The following RFTN1 variants were observed in gnomAD, a reference collection of about 807,000 sequenced individuals.
The protein encoded by RFTN1 is raftlin.
In RFTN1, 26 loss-of-function variants were observed where a neutral mutation model predicts 46.5. That is an observed-to-expected ratio of 0.56 (90% CI 0.41 to 0.78). The LOEUF is 0.78. Ranked by LOEUF, RFTN1 falls within the 30% of genes least tolerant of loss-of-function variation. The pLI is 0.00. For synonymous variants in RFTN1, 261 were observed against 284.2 expected (o/e 0.92, Z 0.82); for missense variants, 693 against 718.7 (o/e 0.96, Z 0.41).
rs1452252577 is a variant in RFTN1 at position 16,429,170 on chromosome 3, A to G, written c.332+4681T>C. 6.6e-6 allele frequency among the ~76,000 whole-genome samples: 1 copy of G among 152,252 alleles called. No homozygotes were observed. Among genetic ancestry groups the G allele is most frequent in the Non-Finnish European group, 1.5e-5 (1 of 68,046 alleles). On this transcript the variant is annotated intron_variant, in intron 3 of 9. Transcript: ENST00000334133. This position sits in a 1 kb window ranked among gnomAD's most constrained non-coding sequence, Gnocchi z 6.4. ...TGTGTGGCTAGGCCTGCCATGGTAA[A>G]ATGAAATGGCAGTTATTAGAATTTT...
At chr3:16,318,415 G>A (rs1254043778) in intron 9 of RFTN1, among the ~76,000 whole-genome samples, 2 of 152,238 alleles carry the variant, frequency 1.3e-5, no homozygotes, top group East Asian at 3.8e-4. Context: ...CAGGAATGCA[G>A]TTGCACCATC....
intron 2 of RFTN1, among the ~76,000 whole-genome samples, chr3:16,469,067 C>A (rs1204228215): frequency 6.6e-6 from 1 of 152,226 alleles, no homozygotes; most frequent in Non-Finnish European, 1.5e-5. Flanking sequence ...CAAATAAGTA[C>A]AAGAATAACA....
rs1442291595 is a variant in RFTN1 at position 16,339,082 on chromosome 3, T to G, written c.1147-12206A>C. Among the ~76,000 whole-genome samples the G allele has an allele frequency of 3.3e-5, 5 of 152,318 alleles. No individual in the cohort carries two copies. In the East Asian group the frequency reaches 9.6e-4, roughly 29 times the overall value. On this transcript the variant is annotated intron_variant, in intron 7 of 9. Coordinates refer to ENST00000334133, the MANE Select transcript of RFTN1 (RefSeq NM_015150.2). ...ACGAACAGAGCCACACAACACACCA[T>G]GTGCTGGGCTGTCACAGTCTTGACT...
Position 16,481,861 on chromosome 3 carries a change from G to A in RFTN1, c.145+11864C>T, listed in dbSNP as rs1031985365. On this transcript the variant is annotated intron_variant, in intron 2 of 9. Coordinates refer to ENST00000334133, the MANE Select transcript of RFTN1 (RefSeq NM_015150.2). This position sits in a 1 kb window ranked among gnomAD's most constrained non-coding sequence, Gnocchi z 5.1. ...ACCGCATATACTATTTTCAGCAAAG[G>A]AGGAGTCTATATTCAGCACAGGAAA... Among the ~76,000 whole-genome samples, 2 of 152,182 alleles carry A rather than the reference G, an allele frequency of 1.3e-5. No homozygotes were observed. The highest frequency in any genetic ancestry group is 2.9e-5 in the Non-Finnish European group (2 of 68,034).
At chr3:16,470,734 T>G (rs2076180435) in intron 2 of RFTN1, among the ~76,000 whole-genome samples, 1 of 151,984 alleles carries the variant, frequency 6.6e-6, no homozygotes, top group African/African-American at 2.4e-5. Flanking sequence ...ACAAACAAAA[T>G]CAACAGTCAT....
intron 1 of RFTN1, 51 bp from the exon 2 acceptor site, chr3:16,493,928 T>A: frequency 1.9e-6 from 3 of 1,604,882 alleles, no homozygotes; most frequent in Non-Finnish European, 2.6e-6. Flanking sequence ...TGAGATTTTG[T>A]CTTTAAACAC....
chr3:16,324,613 A>ACT (rs1553718054), intron 8 of RFTN1, among the ~76,000 whole-genome samples: 1 of 90,800 alleles, frequency 1.1e-5, no homozygotes, highest in Non-Finnish European at 2.2e-5. Flanking sequence ...AATGTCCCTG[A>ACT]CCCCCCCCCT....
rs1355197618 is a variant in RFTN1 at position 16,457,918 on chromosome 3, CACAG to C, written c.146-23885_146-23882del. Among the ~76,000 whole-genome samples, 1 of 152,110 alleles carries C rather than the reference CACAG, an allele frequency of 6.6e-6. No individual in the cohort carries two copies. The highest frequency in any genetic ancestry group is 1.5e-5 in the Non-Finnish European group (1 of 68,024). On this transcript the variant is annotated intron_variant, in intron 2 of 9. Transcript: ENST00000334133. This position sits in a 1 kb window ranked among gnomAD's most constrained non-coding sequence, Gnocchi z 4.2. ...GATTAATATCATTATAAAAGGGTTT[CACAG>C]ACAGAGTTTGGTCCTTTTTGCCTTC...
chr3:16,488,504 G>C (rs2076488229), intron 2 of RFTN1, among the ~76,000 whole-genome samples: 1 of 152,148 alleles, frequency 6.6e-6, no homozygotes, highest in Non-Finnish European at 1.5e-5. Flanking sequence ...AGTCAAATAA[G>C]CATCGTCTCC....
chr3:16,490,657 A>C (rs2124987396), intron 2 of RFTN1, among the ~76,000 whole-genome samples: 1 of 152,378 alleles, frequency 6.6e-6, no homozygotes, highest in South Asian at 2.1e-4. Context: ...GTAATTCCTG[A>C]GGAAATAGTC....
chr3:16,355,385 G>A (rs1286572230), intron 7 of RFTN1, among the ~76,000 whole-genome samples: 1 of 152,260 alleles, frequency 6.6e-6, no homozygotes. Context: ...GCAAGTCCAA[G>A]ATCAGGCATC....
Position 16,335,174 on chromosome 3 carries a change from A to G in RFTN1, c.1147-8298T>C, listed in dbSNP as rs2070726462. On this transcript the variant is annotated intron_variant, in intron 7 of 9. Transcript: ENST00000334133. The surrounding 1 kb of genome is among the most constrained non-coding windows in gnomAD (Gnocchi z 4.7). Reference sequence around the variant, plus strand: ...TTGTTGCCGCAGCAACAGGAAATTAATCCACAGCTCAGGGCCAGGAAAAGG... The same window carrying G: ...TTGTTGCCGCAGCAACAGGAAATTAGTCCACAGCTCAGGGCCAGGAAAAGG... 6.6e-6 allele frequency among the ~76,000 whole-genome samples: 1 copy of G among 152,232 alleles called. No homozygotes were observed. The highest frequency in any genetic ancestry group is 1.5e-5 in the Non-Finnish European group (1 of 68,042).
intron 8 of RFTN1, among the ~76,000 whole-genome samples, 197 bp from the exon 9 acceptor site, chr3:16,323,654 A>C (rs2069344992): frequency 6.6e-6 from 1 of 152,160 alleles, no homozygotes; most frequent in South Asian, 2.1e-4. Flanking sequence ...GATGCCCAAC[A>C]AAAGCTTTTT....
intron 9 of RFTN1, among the ~76,000 whole-genome samples, chr3:16,319,540 A>G (rs562564646): frequency 2.0e-5 from 3 of 152,302 alleles, no homozygotes; most frequent in East Asian, 3.9e-4. Context: ...GCAGTGTACA[A>G]CTGAGGACAA....
At position 16,344,053 on chromosome 3, in the gene RFTN1, G is replaced by A. The variant is rs113537985; in HGVS notation, c.1146+13879C>T. ...ATCTGGAAATGTTCACTGGGTCACAGCCCAGAGCACTTGGAGGGAAGCAGT... is the reference window on the plus strand; with the variant it reads ...ATCTGGAAATGTTCACTGGGTCACAACCCAGAGCACTTGGAGGGAAGCAGT... On this transcript the variant is annotated intron_variant, in intron 7 of 9. Coordinates refer to ENST00000334133, the MANE Select transcript of RFTN1 (RefSeq NM_015150.2). This position sits in a 1 kb window ranked among gnomAD's most constrained non-coding sequence, Gnocchi z 4.4. 0.016 allele frequency among the ~76,000 whole-genome samples: 2,411 copies of A among 152,284 alleles called. 72 individuals are homozygous for A. Among genetic ancestry groups the A allele is most frequent in the African/African-American group, 0.055 (2,264 of 41,528 alleles).
intron 2 of RFTN1, among the ~76,000 whole-genome samples, chr3:16,488,656 C>T (rs773473058): frequency 2.6e-5 from 4 of 152,200 alleles, no homozygotes; most frequent in Admixed American, 6.5e-5. Flanking sequence ...CTATTTGTGT[C>T]GCATCTTGCA....
At chr3:16,456,262 T>C (rs183367425) in intron 2 of RFTN1, among the ~76,000 whole-genome samples, 48 of 152,244 alleles carry the variant, frequency 3.2e-4, no homozygotes, top group African/African-American at 1.1e-3. Context: ...TTATTAACAA[T>C]TACAGTAACC....
At position 16,459,666 on chromosome 3, in the gene RFTN1, T is replaced by C. The variant is rs1342605531; in HGVS notation, c.146-25629A>G. 6.6e-6 allele frequency among the ~76,000 whole-genome samples: 1 copy of C among 152,178 alleles called. No homozygotes were observed. The highest frequency in any genetic ancestry group is 1.5e-5 in the Non-Finnish European group (1 of 68,028). Reference sequence around the variant, plus strand: ...CTCAACTCTACATTCAAAATTTTCTTAAAATTTTTCTTAAAAATTCTAGTC... The same window carrying C: ...CTCAACTCTACATTCAAAATTTTCTCAAAATTTTTCTTAAAAATTCTAGTC... On this transcript the variant is annotated intron_variant, in intron 2 of 9. Transcript: ENST00000334133. The surrounding 1 kb of genome is among the most constrained non-coding windows in gnomAD (Gnocchi z 4.2).
chr3:16,317,370 A>G lies in RFTN1; in HGVS notation c.1333-138T>C. ...CCAGCATCCCCCAGCCAGGCAGTAC[A>G]GGCACCAAACTTGAATCGCACACTA... On this transcript the variant is annotated intron_variant, in intron 9 of 9. Coordinates refer to ENST00000334133, the MANE Select transcript of RFTN1 (RefSeq NM_015150.2). This position sits in a 1 kb window ranked among gnomAD's most constrained non-coding sequence, Gnocchi z 4.3. 1.1e-6 allele frequency: 1 copy of G among 878,398 alleles called. No homozygotes were observed. Among genetic ancestry groups the G allele is most frequent in the Non-Finnish European group, 1.7e-6 (1 of 576,282 alleles). The allele number at this position is 878,398 out of a possible 1,614,324, so 54.4% of individuals were successfully genotyped here.
Sources: gnomAD v4.1 joint callset for allele counts (sites outside exome capture counted in the v4.1 genomes callset) on GRCh38, gnomAD v4.1.1 for gene constraint, Gnocchi (gnomAD v3.1) non-coding constraint, MANE v1.5 for transcripts, NCBI Gene and HGNC (gene_info 2026-07-23, HGNC 2026-07-21) for gene names.